The following TP63 variants were observed in gnomAD, a reference collection of about 807,000 sequenced individuals.
TP63 encodes the protein tumor protein 63.
In TP63, 17 loss-of-function variants were observed where a neutral mutation model predicts 82.8. That is an observed-to-expected ratio of 0.21 (90% CI 0.14 to 0.31). The LOEUF (loss-of-function observed/expected upper bound fraction) is 0.31, where lower values mean the gene tolerates loss of function less well. Ranked by LOEUF, TP63 falls within the 10% of genes least tolerant of loss-of-function variation. The probability of loss-of-function intolerance (pLI) is 1.00; values close to 1 mark genes in which losing one functional copy is unlikely to be tolerated. For synonymous variants in TP63, 330 were observed against 321.7 expected (o/e 1.03, Z -0.28); for missense variants, 648 against 895.3 (o/e 0.72, Z 3.52).
chr3:189,695,611 T>C (rs920041830), intron 1 of TP63, among the ~76,000 whole-genome samples: 1 of 152,224 alleles, frequency 6.6e-6, no homozygotes, highest in African/African-American at 2.4e-5. Flanking sequence ...TATATGCACA[T>C]ATCTATAAAT....
intron 1 of TP63, among the ~76,000 whole-genome samples, chr3:189,637,904 C>G: frequency 6.6e-6 from 1 of 151,896 alleles, no homozygotes; most frequent in East Asian, 1.9e-4. Flanking sequence ...CACAAGAAAG[C>G]GGAAGGTAGA....
At chr3:189,844,795 G>T (rs1296250941) in intron 4 of TP63, among the ~76,000 whole-genome samples, 1 of 152,052 alleles carries the variant, frequency 6.6e-6, no homozygotes, top group Non-Finnish European at 1.5e-5. Flanking sequence ...TACTGAATTG[G>T]ATCTTTAGAA....
chr3:189,660,837 T>C (rs1560091817), intron 1 of TP63, among the ~76,000 whole-genome samples: 1 of 32,450 alleles, frequency 3.1e-5, no homozygotes, highest in Non-Finnish European at 1.7e-4. Flanking sequence ...GTAAATGGGA[T>C]TGCATTCTTG....
intron 1 of TP63, among the ~76,000 whole-genome samples, chr3:189,675,591 T>C (rs1023438269): frequency 1.3e-5 from 2 of 152,090 alleles, no homozygotes; most frequent in Non-Finnish European, 2.9e-5. Flanking sequence ...AACCCATAGA[T>C]TTTTTCGCTA....
intron 11 of TP63, among the ~76,000 whole-genome samples, chr3:189,887,529 G>A (rs571277897): frequency 6.6e-6 from 1 of 152,214 alleles, no homozygotes; most frequent in South Asian, 2.1e-4. Context: ...ATGATGACTG[G>A]CATATAGCTT....
intron 3 of TP63, among the ~76,000 whole-genome samples, chr3:189,774,257 A>C (rs1454906126): frequency 6.6e-6 from 1 of 152,190 alleles, no homozygotes; most frequent in Non-Finnish European, 1.5e-5. Context: ...AATATTGCTG[A>C]ATATGAAACA....
At chr3:189,822,137 G>A (rs991377063) in intron 4 of TP63, among the ~76,000 whole-genome samples, 4 of 152,110 alleles carry the variant, frequency 2.6e-5, no homozygotes, top group Non-Finnish European at 5.9e-5. Flanking sequence ...AGGTAACGAT[G>A]TTATTGGTAG....
At chr3:189,701,626 AT>A (rs1447061993) in intron 1 of TP63, among the ~76,000 whole-genome samples, 4 of 151,108 alleles carry the variant, frequency 2.6e-5, no homozygotes, top group Non-Finnish European at 4.4e-5. Context: ...AAGAGTACCT[AT>A]TTGGATCATA....
intron 3 of TP63, among the ~76,000 whole-genome samples, chr3:189,749,115 CAG>C (rs1721603738): frequency 6.6e-6 from 1 of 151,708 alleles, no homozygotes; most frequent in African/African-American, 2.4e-5. Context: ...TTGGTCTAGG[CAG>C]AGATTTTTAT....
At chr3:189,786,153 AAAT>A (rs750238400) in intron 3 of TP63, among the ~76,000 whole-genome samples, 5 of 152,026 alleles carry the variant, frequency 3.3e-5, no homozygotes, top group Non-Finnish European at 7.4e-5. Flanking sequence ...ATTATTCGAT[AAAT>A]AATAAAGATC....
At chr3:189,692,122 G>A (rs1716985182) in intron 1 of TP63, among the ~76,000 whole-genome samples, 2 of 152,092 alleles carry the variant, frequency 1.3e-5, no homozygotes, top group Admixed American at 6.6e-5. Flanking sequence ...CAACTGTGAG[G>A]TAACACTGAT....
chr3:189,694,415 C>T (rs973271059), intron 1 of TP63, among the ~76,000 whole-genome samples: 3 of 152,122 alleles, frequency 2.0e-5, no homozygotes, highest in African/African-American at 4.8e-5. Context: ...CAGAATACCA[C>T]GCTGTATTTA....
chr3:189,651,794 G>A, intron 1 of TP63, among the ~76,000 whole-genome samples: 1 of 146,724 alleles, frequency 6.8e-6, no homozygotes, highest in East Asian at 2.4e-4. Flanking sequence ...TGCAGCCTCG[G>A]GACATGGTGC....
At chr3:189,734,266 G>C (rs1279417550) in intron 1 of TP63, among the ~76,000 whole-genome samples, 1 of 149,012 alleles carries the variant, frequency 6.7e-6, no homozygotes, top group Admixed American at 6.7e-5. Flanking sequence ...CTGCCTCTTG[G>C]GTTCAAGCGA....
rs187036377 is a variant in TP63 at position 189,689,726 on chromosome 3, A to T, written c.63-48014A>T. On this transcript the variant is annotated intron_variant, in intron 1 of 13. Coordinates refer to ENST00000264731, the MANE Select transcript of TP63 (RefSeq NM_003722.5). ...ATTACTGCTCATTGTGGCAGTTATGATGTATATTTTTAATTGTCTTAAGGC... is the reference window on the plus strand; with the variant it reads ...ATTACTGCTCATTGTGGCAGTTATGTTGTATATTTTTAATTGTCTTAAGGC... Among the ~76,000 whole-genome samples the T allele has an allele frequency of 4.6e-5, 7 of 152,242 alleles. No homozygotes were observed. In the East Asian group the frequency reaches 1.3e-3, roughly 29 times the overall value.
chr3:189,655,395 C>T (rs1326518162), intron 1 of TP63, among the ~76,000 whole-genome samples: 8 of 152,004 alleles, frequency 5.3e-5, no homozygotes, highest in African/African-American at 9.7e-5. Context: ...GAGGCCGAGG[C>T]GGGTGCATCA....
chr3:189,770,878 G>A (rs1723287047), intron 3 of TP63, among the ~76,000 whole-genome samples: 1 of 152,110 alleles, frequency 6.6e-6, no homozygotes, highest in South Asian at 2.1e-4. Flanking sequence ...GCTAATTGCA[G>A]TAAAGATTTG....
At position 189,895,372 on chromosome 3, in the gene TP63, T is replaced by G. The variant is rs1324494104; in HGVS notation, c.*870T>G. 5 of 217,030 alleles carry G rather than the reference T, an allele frequency of 2.3e-5. No individual in the cohort carries two copies. The highest frequency in any genetic ancestry group is 4.6e-5 in the Non-Finnish European group (5 of 107,962). The allele number at this position is 217,030 out of a possible 1,614,324, so 13.4% of individuals were successfully genotyped here. A position where few individuals can be genotyped will look rare whatever the true frequency, so the allele number is the denominator to read the frequency against. On this transcript the variant is annotated 3_prime_UTR_variant, in exon 14 of 14. Transcript: ENST00000264731. Reference sequence around the variant, plus strand: ...GAGCATATCAGTAACCCCCTTAAATTTAATACCAGATACCTTATCTTACAA... The same window carrying G: ...GAGCATATCAGTAACCCCCTTAAATGTAATACCAGATACCTTATCTTACAA...
At chr3:189,612,537 G>A in the TP63 span, among the ~76,000 whole-genome samples, 13 of 152,126 alleles carry the variant, frequency 8.5e-5, no homozygotes, top group Non-Finnish European at 1.3e-4. Context: ...TATCAGCAGC[G>A]TGAAAATGAA....
Sources: allele counts gnomAD v4.1 joint callset (sites outside exome capture counted in the v4.1 genomes callset), GRCh38; gene constraint gnomAD v4.1.1; transcripts MANE v1.5; gene names NCBI Gene and HGNC (gene_info 2026-07-23, HGNC 2026-07-21).